Variants in CDK8 observed in about 807,000 individuals in gnomAD.
The protein encoded by CDK8 is cyclin-dependent kinase 8.
Under a neutral mutation model 71.5 loss-of-function variants are expected in CDK8, and 29 were observed. That is an observed-to-expected ratio of 0.41 (90% confidence interval 0.30 to 0.55). CDK8 has a LOEUF of 0.55. Ranked by LOEUF, CDK8 falls within the 20% of genes least tolerant of loss-of-function variation. CDK8 has a pLI of 0.37. For missense variants in CDK8, 288 were observed against 572.6 expected (o/e 0.50, Z 5.07); for synonymous variants, 161 against 192.1 (o/e 0.84, Z 1.34).
At chr13:26,386,415 A>C (rs1161609755) in intron 6 of CDK8, among the ~76,000 whole-genome samples, 1 of 151,942 alleles carries the variant, frequency 6.6e-6, no homozygotes, top group African/African-American at 2.4e-5. Context: ...TGGTTTCCTT[A>C]ACTTGTTCTG....
At chr13:26,379,388 T>G (rs1326115494) in intron 4 of CDK8, among the ~76,000 whole-genome samples, 1 of 152,152 alleles carries the variant, frequency 6.6e-6, no homozygotes, top group Non-Finnish European at 1.5e-5. Flanking sequence ...TAATACTAGG[T>G]CGGACCTTGA....
chr13:26,348,279 C>T (rs1002440021), intron 2 of CDK8, among the ~76,000 whole-genome samples: 3 of 152,110 alleles, frequency 2.0e-5, no homozygotes, highest in South Asian at 4.2e-4. Flanking sequence ...GGGAAAAAGG[C>T]GGTGGGATTA....
intron 1 of CDK8, among the ~76,000 whole-genome samples, chr13:26,267,144 G>A (rs1872056732): frequency 6.6e-6 from 1 of 151,678 alleles, no homozygotes; most frequent in African/African-American, 2.4e-5. Flanking sequence ...TGATACATAT[G>A]CATATATTAA....
rs35493052 is a variant in CDK8, at chr13:26,385,105, A to G, written c.515-106A>G. 2.1e-4 allele frequency: 195 copies of G among 919,786 alleles called. No homozygotes were observed. The African/African-American group carries it at 3.1e-3, about 15-fold the overall frequency. The allele number at this position is 919,786 out of a possible 1,614,324, so 57.0% of individuals were successfully genotyped here. ...TGTTTTGTGGGTTTCTTCCCCTAGA[A>G]TTGAGCACATTTTTCATCTTACTGA... On this transcript the variant is annotated intron_variant, in intron 5 of 12. Coordinates refer to ENST00000381527, the MANE Select transcript of CDK8 (RefSeq NM_001260.3).
At chr13:26,257,919 T>A (rs1009749957) in intron 1 of CDK8, among the ~76,000 whole-genome samples, 3 of 141,478 alleles carry the variant, frequency 2.1e-5, no homozygotes, top group African/African-American at 9.3e-5. Context: ...TGTGTGTGTG[T>A]GTGAGAGAGA....
At chr13:26,354,333 C>T (rs568101927) in intron 4 of CDK8, among the ~76,000 whole-genome samples, 1 of 152,300 alleles carries the variant, frequency 6.6e-6, no homozygotes, top group East Asian at 1.9e-4. Flanking sequence ...TGGCCAATCA[C>T]CTTTATTAAT....
chr13:26,256,255 ATTAGACTTATTGTTGAAGT>A (rs755008162), intron 1 of CDK8, among the ~76,000 whole-genome samples: 3 of 152,204 alleles, frequency 2.0e-5, no homozygotes, highest in Non-Finnish European at 4.4e-5. Context: ...TTGTTGTCTA[ATTAGACTTATTGTTGAAGT>A]TTTACTCTGT....
intron 1 of CDK8, among the ~76,000 whole-genome samples, chr13:26,326,267 A>C (rs954123301): frequency 6.6e-6 from 1 of 152,208 alleles, no homozygotes; most frequent in African/African-American, 2.4e-5. Flanking sequence ...AATCTCAACC[A>C]TTGGTTTGAT....
intron 1 of CDK8, among the ~76,000 whole-genome samples, chr13:26,317,848 A>G (rs1424928535): frequency 6.6e-6 from 1 of 152,164 alleles, no homozygotes; most frequent in Admixed American, 6.5e-5. Context: ...AACAAGAAAG[A>G]TCTTAAACCA....
intron 1 of CDK8, among the ~76,000 whole-genome samples, chr13:26,283,921 A>T (rs1262537784): frequency 6.6e-6 from 1 of 151,958 alleles, no homozygotes; most frequent in East Asian, 1.9e-4. Flanking sequence ...AAGTAACAAA[A>T]TCAAAATTAT....
intron 1 of CDK8, among the ~76,000 whole-genome samples, chr13:26,336,704 C>T (rs938586086): frequency 1.3e-5 from 2 of 152,072 alleles, no homozygotes. Flanking sequence ...CAGGCGCCCG[C>T]CACCACACCC....
chr13:26,349,310 TTGG>T, intron 3 of CDK8, 128 bp downstream of exon 3: 1 of 632,434 alleles, frequency 1.6e-6, no homozygotes, highest in Non-Finnish European at 2.8e-6. Context: ...TAGAGTGTGG[TTGG>T]TGGCATGACG....
At chr13:26,298,633 T>C (rs1873675776) in intron 1 of CDK8, among the ~76,000 whole-genome samples, 1 of 152,122 alleles carries the variant, frequency 6.6e-6, no homozygotes, top group South Asian at 2.1e-4. Context: ...AAGCAAATGA[T>C]GACCAGGATA....
chr13:26,275,806 T>G (rs28572529), intron 1 of CDK8, among the ~76,000 whole-genome samples: 1 of 152,188 alleles, frequency 6.6e-6, no homozygotes, highest in Admixed American at 6.5e-5. Flanking sequence ...GTTATATATA[T>G]TAAGAGTTTT....
chr13:26,384,671 T>C (rs1875390385), intron 5 of CDK8, among the ~76,000 whole-genome samples: 1 of 152,194 alleles, frequency 6.6e-6, no homozygotes, highest in Non-Finnish European at 1.5e-5. Flanking sequence ...ATCAGATGAC[T>C]TTTAAAGTCT....
intron 6 of CDK8, among the ~76,000 whole-genome samples, chr13:26,387,149 A>G (rs922768495): frequency 6.6e-6 from 1 of 152,126 alleles, no homozygotes; most frequent in Non-Finnish European, 1.5e-5. Flanking sequence ...TTTTCATAGT[A>G]TCTTGTATTT....
intron 1 of CDK8, among the ~76,000 whole-genome samples, chr13:26,301,371 C>A (rs1325505631): frequency 6.6e-6 from 1 of 152,030 alleles, no homozygotes; most frequent in Non-Finnish European, 1.5e-5. Context: ...AAGGAAAGGG[C>A]CATTAGGCAA....
At chr13:26,287,363 T>C (rs1055491490) in intron 1 of CDK8, among the ~76,000 whole-genome samples, 1 of 151,998 alleles carries the variant, frequency 6.6e-6, no homozygotes, top group African/African-American at 2.4e-5. Flanking sequence ...CCAACACACA[T>C]ACACACCATG....
chr13:26,281,835 A>G (rs1205318831), intron 1 of CDK8, among the ~76,000 whole-genome samples: 3 of 152,094 alleles, frequency 2.0e-5, no homozygotes, highest in Admixed American at 6.6e-5. Context: ...GAATAAATAA[A>G]TATTGTATTC....
Sources: gnomAD v4.1 joint callset for allele counts (sites outside exome capture counted in the v4.1 genomes callset) on GRCh38, gnomAD v4.1.1 for gene constraint, MANE v1.5 for transcripts, NCBI Gene and HGNC (gene_info 2026-07-23, HGNC 2026-07-21) for gene names.